XYLB: variants seen among roughly 807,000 people sequenced by gnomAD.
The protein encoded by XYLB is xylulose kinase.
Under a neutral mutation model 78.7 loss-of-function variants are expected in XYLB, and 62 were observed. The ratio of observed to expected loss-of-function variants is 0.79; its 90% CI spans 0.64 to 0.97. The LOEUF is 0.97. Among genes scored for constraint, XYLB ranks in the 50% least tolerant of loss-of-function variants. The probability of loss-of-function intolerance (pLI) is 0.00; values close to 1 mark genes in which losing one functional copy is unlikely to be tolerated. For synonymous variants in XYLB, 245 were observed against 247.4 expected (o/e 0.99, Z 0.09); for missense variants, 687 against 676.8 (o/e 1.02, Z -0.17).
At chr3:38,352,538 G>A (rs1329308904) in intron 2 of XYLB, among the ~76,000 whole-genome samples, 1 of 152,180 alleles carries the variant, frequency 6.6e-6, no homozygotes, top group Non-Finnish European at 1.5e-5. Flanking sequence ...CTGGCACAGT[G>A]GCTCAAGCCT....
chr3:38,370,061 G>C lies in XYLB; in HGVS notation c.652G>C (p.Gly218Arg), dbSNP rs749797771. 4 of 1,613,938 alleles carry C rather than the reference G, an allele frequency of 2.5e-6. No homozygotes were observed. Among genetic ancestry groups the C allele is most frequent in the Non-Finnish European group, 2.5e-6 (3 of 1,179,840 alleles). ...YSPIDYSDGS[G>R]MNLLQIQDKV... ...TTGTTTCCTTCCTTCCTCAGGTTCTGGAATGAATTTGTTGCAGATACAGGA... is the reference window on the plus strand; with the variant it reads ...TTGTTTCCTTCCTTCCTCAGGTTCTCGAATGAATTTGTTGCAGATACAGGA... Residue 218 changes from glycine (G) to arginine (R), a missense_variant, in exon 9 of 19, where the codon GGA becomes CGA. Gly to Arg is a moderately radical substitution (Grantham distance 125). Transcript: ENST00000207870.
the XYLB span, among the ~76,000 whole-genome samples, chr3:38,435,370 GAATC>G: frequency 1.3e-5 from 2 of 151,844 alleles, no homozygotes; most frequent in African/African-American, 2.4e-5. Flanking sequence ...AATGATAAAG[GAATC>G]AATCTAGCAA....
At chr3:38,445,947 T>A in the XYLB span, among the ~76,000 whole-genome samples, 1 of 152,190 alleles carries the variant, frequency 6.6e-6, no homozygotes, top group Non-Finnish European at 1.5e-5. Flanking sequence ...CTGGAATTGG[T>A]TCCTTCTGGT....
chr3:38,355,752 G>A (rs1479438081), intron 2 of XYLB: 2 of 703,546 alleles, frequency 2.8e-6, no homozygotes, highest in Middle Eastern at 2.3e-4. Context: ...AGCAACCTTG[G>A]AAGCACATGT....
chr3:38,396,406 A>G (rs1433528408), intron 16 of XYLB, among the ~76,000 whole-genome samples: 1 of 152,102 alleles, frequency 6.6e-6, no homozygotes, highest in African/African-American at 2.4e-5. Context: ...CACCCTGGGG[A>G]GGTTAAATCT....
intron 14 of XYLB, 113 bp from the exon 15 acceptor site, chr3:38,379,133 A>C (rs552804647): frequency 2.0e-6 from 2 of 1,022,626 alleles, no homozygotes; most frequent in East Asian, 2.4e-5. Flanking sequence ...GAGCCCAGCT[A>C]TGAGTTTCAA....
At chr3:38,392,868 ATTGT>A (rs772233779) in intron 15 of XYLB, among the ~76,000 whole-genome samples, 2 of 152,124 alleles carry the variant, frequency 1.3e-5, no homozygotes, top group Non-Finnish European at 2.9e-5. Flanking sequence ...CTTTTGAGAT[ATTGT>A]TTAAGAGATT....
the XYLB span, among the ~76,000 whole-genome samples, chr3:38,437,926 C>T: frequency 2.6e-5 from 4 of 152,120 alleles, no homozygotes; most frequent in Admixed American, 6.5e-5. Flanking sequence ...AAAAATTAGC[C>T]GGGTGTGGTG....
At chr3:38,347,750 C>A (rs1296691800) in intron 1 of XYLB, among the ~76,000 whole-genome samples, 2 of 152,206 alleles carry the variant, frequency 1.3e-5, no homozygotes, top group Non-Finnish European at 2.9e-5. Context: ...TTCGTTGACA[C>A]CAGCTTGCCT....
intron 15 of XYLB, among the ~76,000 whole-genome samples, chr3:38,393,776 C>T (rs893844458): frequency 6.6e-6 from 1 of 152,114 alleles, no homozygotes; most frequent in Admixed American, 6.6e-5. Context: ...ATCAGTCATA[C>T]TGGATTAGGG....
At chr3:38,354,604 G>A (rs1413380839) in intron 2 of XYLB, among the ~76,000 whole-genome samples, 4 of 151,834 alleles carry the variant, frequency 2.6e-5, no homozygotes, top group African/African-American at 7.3e-5. Flanking sequence ...CTGGGTTCAA[G>A]CAATTCTCCT....
chr3:38,357,451 A>T (rs1705716197), intron 2 of XYLB, among the ~76,000 whole-genome samples: 1 of 149,214 alleles, frequency 6.7e-6, no homozygotes, highest in South Asian at 2.1e-4. Flanking sequence ...CAGTGGCGTG[A>T]TCTCGGCTCA....
intron 9 of XYLB, among the ~76,000 whole-genome samples, chr3:38,371,827 G>A (rs1185017854): frequency 1.3e-5 from 2 of 152,234 alleles, no homozygotes; most frequent in Non-Finnish European, 1.5e-5. Context: ...ATGTGGCCCT[G>A]TGGAAGCTGA....
intron 15 of XYLB, among the ~76,000 whole-genome samples, chr3:38,387,608 G>A (rs1297422221): frequency 6.6e-6 from 1 of 152,138 alleles, no homozygotes; most frequent in Non-Finnish European, 1.5e-5. Flanking sequence ...CTGACCTCAG[G>A]TGATCCGCCT....
chr3:38,423,566 T>C (rs1467691049), downstream of XYLB, among the ~76,000 whole-genome samples: 1 of 152,260 alleles, frequency 6.6e-6, no homozygotes, highest in Non-Finnish European at 1.5e-5. Context: ...TGAGCAAGAC[T>C]GTGAATGGTT....
rs551057397 is a variant in XYLB at position 38,361,970 on chromosome 3, TG to T, written c.211-964del. Reference sequence around the variant, plus strand: ...TTAGGAGGGTGGTGCCAAGCTCTGCTGGGCACCACCATCCATCCCACTCACT... The same window carrying T: ...TTAGGAGGGTGGTGCCAAGCTCTGCTGGCACCACCATCCATCCCACTCACT... On this transcript the variant is annotated intron_variant, in intron 3 of 18. Coordinates refer to ENST00000207870, the MANE Select transcript of XYLB (RefSeq NM_005108.4). 3.9e-5 allele frequency among the ~76,000 whole-genome samples: 6 copies of T among 152,284 alleles called. No homozygotes were observed. The East Asian group carries it at 1.2e-3, about 30-fold the overall frequency.
At chr3:38,349,221 C>T (rs1013703637) in intron 2 of XYLB, among the ~76,000 whole-genome samples, 1 of 152,220 alleles carries the variant, frequency 6.6e-6, no homozygotes, top group African/African-American at 2.4e-5. Flanking sequence ...GAGCATGGTT[C>T]ATTCCTTCAT....
At chr3:38,349,999 G>A (rs1223204759) in intron 2 of XYLB, among the ~76,000 whole-genome samples, 1 of 152,208 alleles carries the variant, frequency 6.6e-6, no homozygotes, top group East Asian at 1.9e-4. Flanking sequence ...GGCCCTCGGG[G>A]TTAGGATTTC....
At chr3:38,400,364 T>C (rs532295424) in intron 17 of XYLB, among the ~76,000 whole-genome samples, 21 of 152,276 alleles carry the variant, frequency 1.4e-4, no homozygotes, top group African/African-American at 4.8e-4. Flanking sequence ...AAGCAGATGG[T>C]GCTGAGCGCT....
Sources: allele counts gnomAD v4.1 joint callset (sites outside exome capture counted in the v4.1 genomes callset), GRCh38; gene constraint gnomAD v4.1.1; transcripts MANE v1.5; gene names NCBI Gene and HGNC (gene_info 2026-07-23, HGNC 2026-07-21).